The following SP100 variants were observed in gnomAD, a reference collection of about 807,000 sequenced individuals.
SP100 encodes nuclear autoantigen Sp-100.
A neutral mutation model predicts 130.0 loss-of-function variants in SP100; 84 were observed. That is an observed-to-expected ratio of 0.65 (90% CI 0.54 to 0.77). SP100 has a LOEUF of 0.77. SP100 is among the 30% of genes least tolerant of loss of function. The probability of loss-of-function intolerance (pLI) is 0.00; values close to 1 mark genes in which losing one functional copy is unlikely to be tolerated. For synonymous variants in SP100, 331 were observed against 351.7 expected (o/e 0.94, Z 0.66); for missense variants, 978 against 1,052.2 (o/e 0.93, Z 0.97).
rs145807834 is a variant in SP100 at position 230,426,935 on chromosome 2, G to A, written c.107+9270G>A. Among the ~76,000 whole-genome samples the A allele has an allele frequency of 1.3e-3, 194 of 152,052 alleles. 3 individuals are homozygous for A. The highest frequency in any genetic ancestry group is 6.8e-3 in the Middle Eastern group (2 of 294). On this transcript the variant is annotated intron_variant, in intron 2 of 28. Transcript: ENST00000340126. ...TTAGTTATTTAGATGTTGCAGTGCT[G>A]TATGCAAAAATATTTACAGTTGTTG...
At chr2:230,461,906 G>A (rs3769851) in intron 9 of SP100, among the ~76,000 whole-genome samples, 20,851 of 150,756 alleles carry the variant, frequency 0.14, 1,665 homozygotes, top group Middle Eastern at 0.22. Context: ...CCAAGATTCC[G>A]CCACTGCACT....
chr2:230,416,357 T>G, intron 1 of SP100, 29 bp downstream of exon 1: 1 of 1,602,448 alleles, frequency 6.2e-7, no homozygotes, highest in Middle Eastern at 1.7e-4. Flanking sequence ...TCCTTTAACC[T>G]TTATCTCTGG....
intron 15 of SP100, 71 bp from the exon 16 acceptor site, chr2:230,473,253 A>G: frequency 9.9e-7 from 1 of 1,012,066 alleles, no homozygotes; most frequent in Non-Finnish European, 1.6e-6. Context: ...GGCAGTCACT[A>G]ATGTTGGGGG....
rs2065371962 is a variant in SP100, at chr2:230,473,387, T to A, written c.1493T>A (p.Val498Glu). 1 of 1,613,994 alleles carries A rather than the reference T, an allele frequency of 6.2e-7. No homozygotes were observed. Among genetic ancestry groups the A allele is most frequent in the Non-Finnish European group, 8.5e-7 (1 of 1,179,904 alleles). The stretch of plus-strand genomic sequence containing the variant: ...TGTGTCATGTGTTTTCCAAAAGGTG[T>A]GCCAAGAAGCCAAGAAGCAAGGACT... The part of the protein sequence containing the change: ...CSCVMCFPKG[V>E]PRSQEARTES... The change falls in exon 16 of 29, where the codon GTG becomes GAG. Residue 498 changes from valine (V) to glutamate (E), a missense_variant. Physicochemically the swap from Val to Glu is moderately radical, Grantham distance 121. Transcript: ENST00000340126.
At chr2:230,511,868 GAATA>G (rs1255891247) in intron 24 of SP100, among the ~76,000 whole-genome samples, 2 of 152,048 alleles carry the variant, frequency 1.3e-5, no homozygotes, top group East Asian at 3.9e-4. Flanking sequence ...GGCTGTTTAG[GAATA>G]AATAAATTTT....
chr2:230,522,728 T>C (rs1019342777), intron 24 of SP100, among the ~76,000 whole-genome samples: 2 of 152,024 alleles, frequency 1.3e-5, no homozygotes, highest in African/African-American at 2.4e-5. Context: ...GACCTCATGA[T>C]CTGCCTGCCT....
intron 8 of SP100, among the ~76,000 whole-genome samples, chr2:230,459,684 A>G (rs1197591498): frequency 6.6e-6 from 1 of 152,172 alleles, no homozygotes; most frequent in African/African-American, 2.4e-5. Context: ...CAACTTTAAA[A>G]TATCTCTAAC....
intron 8 of SP100, among the ~76,000 whole-genome samples, chr2:230,455,212 C>T (rs2064212313): frequency 6.6e-6 from 1 of 152,050 alleles, no homozygotes; most frequent in South Asian, 2.1e-4. Flanking sequence ...CAGGCATGTA[C>T]CATCACATCT....
intron 17 of SP100, among the ~76,000 whole-genome samples, chr2:230,491,137 C>A (rs1043992874): frequency 3.4e-4 from 52 of 152,328 alleles, no homozygotes; most frequent in African/African-American, 1.2e-3. Context: ...GGTCTTTTTA[C>A]AAAGTCCCAT....
chr2:230,466,090 C>T (rs780225020), intron 11 of SP100, among the ~76,000 whole-genome samples: 19 of 140,538 alleles, frequency 1.4e-4, no homozygotes, highest in Non-Finnish European at 2.1e-4. Context: ...GAGGCTGAGG[C>T]AGGAGAATCA....
chr2:230,434,753 T>C (rs2063198481), intron 2 of SP100, among the ~76,000 whole-genome samples: 1 of 152,178 alleles, frequency 6.6e-6, no homozygotes, highest in Non-Finnish European at 1.5e-5. Flanking sequence ...GTTAGTTCAC[T>C]ACATAGATAT....
At chr2:230,504,342 T>G (rs1397105649) in intron 21 of SP100, 52 bp downstream of exon 21, 1 of 1,058,654 alleles carries the variant, frequency 9.4e-7, no homozygotes, top group Admixed American at 1.8e-5. Flanking sequence ...TCCACACAGA[T>G]AGCATACTGT....
At chr2:230,541,163 C>A (rs755865322) in intron 26 of SP100, 138 bp from the exon 27 acceptor site, 1 of 1,224,542 alleles carries the variant, frequency 8.2e-7, no homozygotes, top group Non-Finnish European at 1.2e-6. Context: ...AGAAAAATCC[C>A]GGTCCAAAGA....
intron 23 of SP100, 146 bp from the exon 24 acceptor site, chr2:230,510,979 T>A: frequency 1.5e-6 from 1 of 680,714 alleles, no homozygotes; most frequent in Non-Finnish European, 2.7e-6. Flanking sequence ...TATTCTTCAG[T>A]TAGATGTACA....
At chr2:230,479,836 T>G (rs981218804) in intron 17 of SP100, among the ~76,000 whole-genome samples, 9 of 152,168 alleles carry the variant, frequency 5.9e-5, no homozygotes, top group Middle Eastern at 3.2e-3. Flanking sequence ...GGCAAGACAA[T>G]TCACAGTGAC....
At chr2:230,509,252 G>A (rs933080054) in intron 23 of SP100, 1 of 152,188 alleles carries the variant, frequency 6.6e-6, no homozygotes, top group Non-Finnish European at 1.5e-5. Flanking sequence ...GGGTATAAGA[G>A]AGAACCTGGT....
At chr2:230,531,216 A>G (rs1191573348) in intron 24 of SP100, among the ~76,000 whole-genome samples, 1 of 152,220 alleles carries the variant, frequency 6.6e-6, no homozygotes, top group African/African-American at 2.4e-5. Flanking sequence ...TGGCACATAT[A>G]CACCATGGAA....
At chr2:230,456,643 CCTGT>C (rs2064288099) in intron 8 of SP100, among the ~76,000 whole-genome samples, 1 of 152,010 alleles carries the variant, frequency 6.6e-6, no homozygotes, top group African/African-American at 2.4e-5. Flanking sequence ...TTTCAAATAA[CCTGT>C]CTTTGAGTTC....
chr2:230,465,613 AGAG>A (rs1285337030), intron 11 of SP100, among the ~76,000 whole-genome samples: 1 of 152,154 alleles, frequency 6.6e-6, no homozygotes, highest in Non-Finnish European at 1.5e-5. Context: ...TGGAGGAGGG[AGAG>A]GAGAAGAAAA....
Sources: allele counts gnomAD v4.1 joint callset (sites outside exome capture counted in the v4.1 genomes callset), GRCh38; gene constraint gnomAD v4.1.1; transcripts MANE v1.5; gene names NCBI Gene and HGNC (gene_info 2026-07-23, HGNC 2026-07-21).